MGAT4C: variants seen among roughly 807,000 people sequenced by gnomAD.
MGAT4C encodes the protein MGAT4 family member C, also known as alpha-1,3-mannosyl-glycoprotein 4-beta-N-acetylglucosaminyltransferase C.
MGAT4C carries 19 observed loss-of-function variants against 40.1 expected under a neutral mutation model. The ratio of observed to expected loss-of-function variants is 0.47; its 90% confidence interval spans 0.33 to 0.70. MGAT4C has a LOEUF of 0.70. Ranked by LOEUF, MGAT4C falls within the 30% of genes least tolerant of loss-of-function variation. MGAT4C has a pLI of 0.02. For synonymous variants in MGAT4C, 181 were observed against 187.1 expected, an observed-to-expected ratio of 0.97 and a Z score of 0.27; for missense variants, 491 against 563.2, an observed-to-expected ratio of 0.87 and a Z score of 1.30.
intron 3 of MGAT4C, among the ~76,000 whole-genome samples, chr12:86,351,911 T>C (rs893845005): frequency 2.6e-5 from 4 of 152,074 alleles, no homozygotes; most frequent in African/African-American, 4.8e-5. Context: ...CACAGTTTAA[T>C]GTATGAAAGA....
chr12:86,184,937 A>T (rs2135880845), intron 1 of MGAT4C, among the ~76,000 whole-genome samples: 1 of 152,246 alleles, frequency 6.6e-6, no homozygotes, highest in South Asian at 2.1e-4. Flanking sequence ...CATAACAGAA[A>T]TAGTTCCCAC....
chr12:86,261,535 C>T (rs369824797), intron 4 of MGAT4C, among the ~76,000 whole-genome samples: 2 of 151,944 alleles, frequency 1.3e-5, no homozygotes, highest in African/African-American at 4.8e-5. Flanking sequence ...AAGCAATTTC[C>T]TGAGAAAAGT....
At chr12:86,344,318 G>A (rs1358375323) in intron 3 of MGAT4C, among the ~76,000 whole-genome samples, 1 of 152,158 alleles carries the variant, frequency 6.6e-6, no homozygotes, top group Non-Finnish European at 1.5e-5. Flanking sequence ...TTTAACTTTA[G>A]GGACTATTCT....
At chr12:86,725,663 G>A (rs1367496058) in intron 2 of MGAT4C, among the ~76,000 whole-genome samples, 1 of 151,944 alleles carries the variant, frequency 6.6e-6, no homozygotes, top group Non-Finnish European at 1.5e-5. Flanking sequence ...GGATTTCACC[G>A]TGTTGTCCAG....
chr12:86,058,172 A>G (rs1893585937), intron 1 of MGAT4C, among the ~76,000 whole-genome samples: 2 of 152,136 alleles, frequency 1.3e-5, no homozygotes. Flanking sequence ...AAACTGTAAT[A>G]TTATTTTATT....
chr12:86,450,527 A>G (rs922703974), intron 2 of MGAT4C, among the ~76,000 whole-genome samples: 2 of 151,738 alleles, frequency 1.3e-5, no homozygotes, highest in East Asian at 3.9e-4. Flanking sequence ...CAATTTTCCA[A>G]TTTTTCCCTT....
chr12:86,580,458 A>G (rs548068037), intron 2 of MGAT4C, among the ~76,000 whole-genome samples: 1 of 151,624 alleles, frequency 6.6e-6, no homozygotes, highest in Non-Finnish European at 1.5e-5. Context: ...TGTGGAATAT[A>G]CCAATGAATG....
intron 2 of MGAT4C, among the ~76,000 whole-genome samples, chr12:86,482,514 T>G (rs1957954295): frequency 6.6e-6 from 1 of 152,084 alleles, no homozygotes; most frequent in South Asian, 2.1e-4. Context: ...GAAGTTTACA[T>G]GAGTATGATC....
Position 86,014,017 on chromosome 12 carries a change from A to G in MGAT4C, c.-6-24465T>C, listed in dbSNP as rs890056698. Among the ~76,000 whole-genome samples the G allele has an allele frequency of 2.0e-5, 3 of 152,112 alleles. No homozygotes were observed. The South Asian group carries it at 6.2e-4, about 31-fold the overall frequency. On this transcript the variant is annotated intron_variant, in intron 2 of 4. Coordinates refer to ENST00000611864, the MANE Select transcript of MGAT4C (RefSeq NM_001351288.2). The stretch of plus-strand genomic sequence containing the variant: ...TGACCAATAAAACACAATGCATCTA[A>G]AACTGTAATTTTCCTTTCCTGCCTG...
At chr12:86,603,741 CTA>C (rs1961922867) in intron 2 of MGAT4C, among the ~76,000 whole-genome samples, 1 of 123,256 alleles carries the variant, frequency 8.1e-6, no homozygotes, top group African/African-American at 3.1e-5. Context: ...ATTATATATA[CTA>C]TATATTATAT....
intron 1 of MGAT4C, among the ~76,000 whole-genome samples, chr12:86,727,520 T>G (rs1950841778): frequency 1.3e-5 from 2 of 151,972 alleles, no homozygotes; most frequent in South Asian, 2.1e-4. Context: ...TCTTAAATAT[T>G]GCTAGAGAGG....
intron 2 of MGAT4C, among the ~76,000 whole-genome samples, chr12:86,724,743 AT>A (rs968571446): frequency 4.6e-5 from 7 of 152,190 alleles, no homozygotes; most frequent in African/African-American, 1.7e-4. Context: ...AAGCTTAAAA[AT>A]CAACATTATC....
chr12:86,802,865 A>G (rs1405373998), intron 1 of MGAT4C, among the ~76,000 whole-genome samples: 1 of 142,466 alleles, frequency 7.0e-6, no homozygotes, highest in Non-Finnish European at 1.5e-5. Context: ...ATTCAATGCC[A>G]TCCCCATCAA....
At chr12:86,381,404 A>AC (rs984539237) in intron 3 of MGAT4C, among the ~76,000 whole-genome samples, 2 of 152,104 alleles carry the variant, frequency 1.3e-5, no homozygotes, top group African/African-American at 2.4e-5. Flanking sequence ...AAGCCTTACG[A>AC]CCCGGGGAGG....
At chr12:86,103,417 A>G (rs191914088) in intron 1 of MGAT4C, among the ~76,000 whole-genome samples, 1 of 152,280 alleles carries the variant, frequency 6.6e-6, no homozygotes, top group East Asian at 1.9e-4. Context: ...GAAAAGGAAC[A>G]GACAATGTGA....
intron 2 of MGAT4C, among the ~76,000 whole-genome samples, chr12:86,484,613 T>C (rs1280649811): frequency 6.6e-6 from 1 of 151,992 alleles, no homozygotes; most frequent in Non-Finnish European, 1.5e-5. Context: ...CATGGGAGGA[T>C]CCCCCACACT....
At chr12:86,611,456 T>TGATAGATGATA (rs1555210962) in intron 2 of MGAT4C, among the ~76,000 whole-genome samples, 24 of 143,658 alleles carry the variant, frequency 1.7e-4, no homozygotes, top group African/African-American at 5.7e-4. Flanking sequence ...GATAGATAGA[T>TGATAGATGATA]GATAGATAGA....
At chr12:86,458,896 G>T (rs1254945203) in intron 2 of MGAT4C, among the ~76,000 whole-genome samples, 1 of 151,510 alleles carries the variant, frequency 6.6e-6, no homozygotes, top group Non-Finnish European at 1.5e-5. Context: ...TGCAAGAAAG[G>T]GTGAGGTAAG....
chr12:86,629,426 C>A (rs1361979742), intron 2 of MGAT4C, among the ~76,000 whole-genome samples: 1 of 152,108 alleles, frequency 6.6e-6, no homozygotes, highest in Non-Finnish European at 1.5e-5. Flanking sequence ...ACAGAACTGT[C>A]CACCCCAAAT....
Sources: allele counts gnomAD v4.1 joint callset (sites outside exome capture counted in the v4.1 genomes callset), GRCh38; gene constraint gnomAD v4.1.1; transcripts MANE v1.5; gene names NCBI Gene and HGNC (gene_info 2026-07-23, HGNC 2026-07-21).